TNFRSF13B: variants seen among roughly 807,000 people sequenced by gnomAD.
The protein encoded by TNFRSF13B is tumor necrosis factor receptor superfamily member 13B.
In TNFRSF13B, 34 loss-of-function variants were observed where a neutral mutation model predicts 24.0. That is an observed-to-expected ratio of 1.41 (90% CI 1.08 to 1.88). TNFRSF13B has a LOEUF of 1.88. Among genes scored for constraint, TNFRSF13B ranks in the 40% most tolerant of loss-of-function variants. The pLI is 0.00. For synonymous variants in TNFRSF13B, 173 were observed against 150.3 expected (o/e 1.15, Z -1.10); for missense variants, 415 against 380.8 (o/e 1.09, Z -0.75).
intron 1 of TNFRSF13B, among the ~76,000 whole-genome samples, chr17:16,968,993 G>C (rs1397248674): frequency 6.6e-6 from 1 of 152,204 alleles, no homozygotes; most frequent in Non-Finnish European, 1.5e-5. Context: ...CCAAACCACA[G>C]TGAGATACCA....
At chr17:16,952,381 G>T (rs1597662883) in intron 2 of TNFRSF13B, 65 bp downstream of exon 2, 2 of 1,609,946 alleles carry the variant, frequency 1.2e-6, no homozygotes, top group East Asian at 2.2e-5. Flanking sequence ...GGGGCCAGAG[G>T]GTGCTCTAGG....
intron 4 of TNFRSF13B, 166 bp downstream of exon 4, chr17:16,940,160 G>C: frequency 6.7e-7 from 1 of 1,492,734 alleles, no homozygotes; most frequent in East Asian, 2.4e-5. Context: ...CCAGTTATCT[G>C]TCTGCCAGGA....
chr17:16,939,410 T>G lies in TNFRSF13B; in HGVS notation c.*137A>C. The G allele has an allele frequency of 9.5e-7, 1 of 1,054,162 alleles. No homozygotes were observed. Among genetic ancestry groups the G allele is most frequent in the Non-Finnish European group, 1.3e-6 (1 of 749,496 alleles). 65.3% of individuals were successfully genotyped at this position (1,054,162 alleles called of 1,614,324 possible). A position where few individuals can be genotyped will look rare whatever the true frequency, so the allele number is the denominator to read the frequency against. On this transcript the variant is annotated 3_prime_UTR_variant, in exon 5 of 5. Coordinates refer to ENST00000261652, the MANE Select transcript of TNFRSF13B (RefSeq NM_012452.3). ...CTCTCCCTCTGTCTCTCTCTCCCTC[T>G]CTGTCTCCTCTGTTTCTCTCCCTCT...
intron 4 of TNFRSF13B, 45 bp from the exon 5 acceptor site, chr17:16,939,842 A>G: frequency 6.3e-7 from 1 of 1,592,718 alleles, no homozygotes. Flanking sequence ...CTGGCCCTGC[A>G]CTAGGGTAGG....
At chr17:16,944,283 C>T (rs559707963) in intron 3 of TNFRSF13B, among the ~76,000 whole-genome samples, 20 of 152,270 alleles carry the variant, frequency 1.3e-4, no homozygotes, top group African/African-American at 4.3e-4. Flanking sequence ...CTGTCTGGAA[C>T]CCTGTCTCCA....
intron 1 of TNFRSF13B, 33 bp downstream of exon 1, chr17:16,971,982 C>T (rs749662417): frequency 6.2e-6 from 10 of 1,612,222 alleles, no homozygotes; most frequent in Non-Finnish European, 2.5e-6. Context: ...ACACCTCCCA[C>T]CTGCCCTCCT....
intron 1 of TNFRSF13B, among the ~76,000 whole-genome samples, chr17:16,961,159 C>T (rs942015405): frequency 6.6e-6 from 1 of 152,156 alleles, no homozygotes; most frequent in Non-Finnish European, 1.5e-5. Flanking sequence ...GAATGTATAA[C>T]AGAGCAACAG....
rs575263533 is a variant in TNFRSF13B at position 16,967,684 on chromosome 17, G to T, written c.61+4331C>A. Among the ~76,000 whole-genome samples, 7 of 149,084 alleles carry T rather than the reference G, an allele frequency of 4.7e-5. No homozygotes were observed. The East Asian group carries it at 1.4e-3, about 29-fold the overall frequency. On this transcript the variant is annotated intron_variant, in intron 1 of 4. Transcript: ENST00000261652. The stretch of plus-strand genomic sequence containing the variant: ...GGAGAATGGCGTGAACCCAGGAGGC[G>T]GGGCTTGCAGTGAGTGGGGATCACG...
Position 16,940,688 on chromosome 17 carries a change from A to C in TNFRSF13B, c.446-177T>G. ...GCTCTCTGGATCCTGGAGGAAGTTG[A>C]TCCACTCCCCCATCCTGGCAGCAAC... is the stretch of plus-strand genomic sequence containing the variant. On this transcript the variant is annotated intron_variant, in intron 3 of 4. Coordinates refer to ENST00000261652, the MANE Select transcript of TNFRSF13B (RefSeq NM_012452.3). 8 of 1,468,926 alleles carry C rather than the reference A, an allele frequency of 5.4e-6. No individual in the cohort carries two copies. In the South Asian group the frequency reaches 1.1e-4, roughly 20 times the overall value. The allele number at this position is 1,468,926 out of a possible 1,614,324, so 91.0% of individuals were successfully genotyped here.
Position 16,939,780 on chromosome 17 carries a change from C to G in TNFRSF13B, c.649G>C (p.Gly217Arg), listed in dbSNP as rs567602037. 1.2e-6 allele frequency: 2 copies of G among 1,611,506 alleles called. No individual in the cohort carries two copies. Among genetic ancestry groups the G allele is most frequent in the East Asian group, 4.5e-5 (2 of 44,852 alleles). ...TCGGGGGATGTGCTCACAGGGCTGC[C>G]GGCTTCCATCGCGTGATCTGCAGAG... Reference protein sequence around the residue: ...KSSQDHAMEAGSPVSTSPEPV... With the variant: ...KSSQDHAMEARSPVSTSPEPV... The change falls in exon 5 of 5, where the codon GGC (glycine) becomes CGC (arginine). Residue 217 changes from glycine (G) to arginine (R), a missense_variant. Gly to Arg is a moderately radical substitution (Grantham distance 125). Transcript: ENST00000261652.
intron 1 of TNFRSF13B, among the ~76,000 whole-genome samples, 163 bp from the exon 2 acceptor site, chr17:16,952,746 C>T (rs927475129): frequency 3.3e-5 from 5 of 152,226 alleles, no homozygotes; most frequent in African/African-American, 1.2e-4. Context: ...CCCCACTGCA[C>T]TTGCTAGGGG....
intron 1 of TNFRSF13B, among the ~76,000 whole-genome samples, chr17:16,953,192 T>C (rs1447870958): frequency 6.6e-6 from 1 of 152,212 alleles, no homozygotes; most frequent in Admixed American, 6.5e-5. Context: ...TCTTATTAAT[T>C]GCTGAGTCCT....
intron 1 of TNFRSF13B, among the ~76,000 whole-genome samples, chr17:16,961,066 C>G (rs1333144917): frequency 1.3e-5 from 2 of 152,126 alleles, no homozygotes; most frequent in Non-Finnish European, 1.5e-5. Context: ...CATTTCACAC[C>G]CATTAGGATG....
rs772058651 is a variant in TNFRSF13B at position 16,952,586 on chromosome 17, G to A, written c.62-3C>T. 1.2e-6 allele frequency: 2 copies of A among 1,614,140 alleles called. No individual in the cohort carries two copies. Among genetic ancestry groups the A allele is most frequent in the Non-Finnish European group, 1.7e-6 (2 of 1,179,968 alleles). On this transcript the variant is annotated splice_polypyrimidine_tract_variant and splice_region_variant and intron_variant, in intron 1 of 4. Coordinates refer to ENST00000261652, the MANE Select transcript of TNFRSF13B (RefSeq NM_012452.3). The stretch of plus-strand genomic sequence containing the variant: ...CCCCGTCCACAGGCCCTGTGGAACT[G>A]AGAGACCAGGAGAGTGAGGGCAGCT...
At chr17:16,963,269 T>C (rs2087675678) in intron 1 of TNFRSF13B, among the ~76,000 whole-genome samples, 1 of 152,196 alleles carries the variant, frequency 6.6e-6, no homozygotes, top group African/African-American at 2.4e-5. Flanking sequence ...TTTCTTATGA[T>C]AAGGAGTGCT....
At chr17:16,945,662 A>T (rs534050458) in intron 3 of TNFRSF13B, among the ~76,000 whole-genome samples, 164 of 152,328 alleles carry the variant, frequency 1.1e-3, no homozygotes, top group African/African-American at 3.9e-3. Context: ...GGCGGCAGGC[A>T]TGGCCCCTCG....
At chr17:16,941,092 C>T (rs891798884) in intron 3 of TNFRSF13B, 1 of 587,836 alleles carries the variant, frequency 1.7e-6, no homozygotes, top group Non-Finnish European at 2.2e-6. Context: ...ATATAGATGC[C>T]ATGTAGAAGG....
At chr17:16,948,587 T>C in intron 3 of TNFRSF13B, 151 bp downstream of exon 3, 1 of 1,142,862 alleles carries the variant, frequency 8.7e-7, no homozygotes, top group South Asian at 1.4e-5. Context: ...CATTGTTTTT[T>C]TTATCCTGGG....
chr17:16,940,469 ACC>A lies in TNFRSF13B; in HGVS notation c.486_487del (p.Val163LeufsTer73). 6.2e-7 allele frequency: 1 copy of A among 1,613,794 alleles called. No homozygotes were observed. The highest frequency in any genetic ancestry group is 1.1e-5 in the South Asian group (1 of 91,070). On this transcript the variant is annotated frameshift_variant, in exon 4 of 5. Coordinates refer to ENST00000261652, the MANE Select transcript of TNFRSF13B (RefSeq NM_012452.3). LOFTEE classifies it high-confidence loss of function. Reference sequence around the variant, plus strand: ...CAGGCAGAGCCCCAGCGTGCTGTAGACCAGGGCCACCTGATCTGCACTCAGCT... The same window carrying A: ...CAGGCAGAGCCCCAGCGTGCTGTAGAAGGGCCACCTGATCTGCACTCAGCT...
Sources: gnomAD v4.1 joint callset for allele counts (sites outside exome capture counted in the v4.1 genomes callset) on GRCh38, gnomAD v4.1.1 for gene constraint, MANE v1.5 for transcripts, NCBI Gene and HGNC (gene_info 2026-07-23, HGNC 2026-07-21) for gene names.